SLC38A11: variants seen among roughly 807,000 people sequenced by gnomAD.
SLC38A11 encodes the protein solute carrier family 38 member 11.
A neutral mutation model predicts 49.4 loss-of-function variants in SLC38A11; 51 were observed. That is an observed-to-expected ratio of 1.03 (90% confidence interval 0.83 to 1.30). The LOEUF (loss-of-function observed/expected upper bound fraction) is 1.30. Among genes scored for constraint, SLC38A11 ranks in the 50% most tolerant of loss-of-function variants. The pLI is 0.00. For missense variants in SLC38A11, 574 were observed against 556.2 expected (o/e 1.03, Z -0.32); for synonymous variants, 203 against 192.9 (o/e 1.05, Z -0.43).
chr2:164,898,531 C>T lies in SLC38A11; in HGVS notation c.1295G>A (p.Cys432Tyr), dbSNP rs1246958150. The T allele has an allele frequency of 4.3e-6, 7 of 1,613,522 alleles. No individual in the cohort carries two copies. Among genetic ancestry groups the T allele is most frequent in the Non-Finnish European group, 5.9e-6 (7 of 1,179,674 alleles). The change falls in exon 12 of 12, where the codon TGC (cysteine) becomes TAC (tyrosine). Residue 432 changes from cysteine (C) to tyrosine (Y), a missense_variant. Cys to Tyr is a radical substitution (Grantham distance 194). Transcript: ENST00000685975. ...TGTGAGAGAGAAATTGTCAGGAAAG[C>T]AGTAGAACATTTCCTGCCCATGGGT... is the stretch of plus-strand genomic sequence containing the variant. ...DCTHGQEMFY[C>Y]FPDNFSLTNT... is the part of the protein sequence containing the mutation.
rs887595063 is a variant in SLC38A11, at chr2:164,898,384, A to T, written c.*53T>A. On this transcript the variant is annotated 3_prime_UTR_variant, in exon 12 of 12. Coordinates refer to ENST00000685975, the MANE Select transcript of SLC38A11 (RefSeq NM_001351537.2). ...TAAATACAGACTAAAGCAAGCGTAA[A>T]TGTTATGTGTTTTAAAGTCTATGAA... is the stretch of plus-strand genomic sequence containing the variant. The T allele has an allele frequency of 1.5e-6, 2 of 1,303,980 alleles. No homozygotes were observed. The highest frequency in any genetic ancestry group is 1.5e-5 in the African/African-American group (1 of 66,816). 80.8% of individuals were successfully genotyped at this position (1,303,980 alleles called of 1,614,324 possible).
At chr2:164,927,214 G>C (rs552187488) in intron 7 of SLC38A11, among the ~76,000 whole-genome samples, 2 of 152,224 alleles carry the variant, frequency 1.3e-5, no homozygotes, top group African/African-American at 4.8e-5. Flanking sequence ...GTCATCTTGG[G>C]AGCAGAAAGA....
intron 7 of SLC38A11, among the ~76,000 whole-genome samples, chr2:164,916,535 A>G (rs537503112): frequency 7.9e-5 from 12 of 152,242 alleles, no homozygotes; most frequent in African/African-American, 2.9e-4. Context: ...ACCATTTAAC[A>G]CATGAAGAAA....
chr2:164,922,619 C>T (rs144218814), intron 7 of SLC38A11, among the ~76,000 whole-genome samples: 3,079 of 152,238 alleles, frequency 0.02, 59 homozygotes, highest in Non-Finnish European at 0.026. Flanking sequence ...TCTTCGCTTG[C>T]GGATTGGAAG....
intron 11 of SLC38A11, among the ~76,000 whole-genome samples, chr2:164,901,475 C>A (rs1436776787): frequency 6.6e-6 from 1 of 151,946 alleles, no homozygotes; most frequent in East Asian, 1.9e-4. Context: ...ACAAATTTTT[C>A]ACCTCTTTGG....
At chr2:164,937,092 A>G (rs1687424175) in intron 7 of SLC38A11, among the ~76,000 whole-genome samples, 1 of 152,116 alleles carries the variant, frequency 6.6e-6, no homozygotes. Flanking sequence ...TCTTATTCTA[A>G]TTCTAATTCT....
At chr2:164,903,167 C>G (rs1684771250) in intron 11 of SLC38A11, among the ~76,000 whole-genome samples, 1 of 146,256 alleles carries the variant, frequency 6.8e-6, no homozygotes, top group Admixed American at 7.1e-5. Context: ...AAACAACAAA[C>G]AGTAATTCAA....
chr2:164,916,124 TA>T (rs1245696727), intron 7 of SLC38A11, 151 bp from the exon 8 acceptor site: 3 of 530,536 alleles, frequency 5.7e-6, no homozygotes, highest in Admixed American at 5.4e-5. Flanking sequence ...TAATCATGAA[TA>T]AATTTCCCAG....
chr2:164,945,760 A>C (rs983098085), intron 3 of SLC38A11, 33 bp from the exon 4 acceptor site: 1 of 1,579,254 alleles, frequency 6.3e-7, no homozygotes, highest in African/African-American at 1.4e-5. Flanking sequence ...ATGTCAGATT[A>C]CATGTAATAC....
rs373725678 is a variant in SLC38A11, at chr2:164,939,566, A to G, written c.431-10T>C. On this transcript the variant is annotated splice_polypyrimidine_tract_variant and intron_variant, in intron 5 of 11. Transcript: ENST00000685975. ...ACGTTTTCAGGATCAACTAAAACACAATAAATATTATTAAATGTTACAGGT... is the reference window on the plus strand; with the variant it reads ...ACGTTTTCAGGATCAACTAAAACACGATAAATATTATTAAATGTTACAGGT... 1.0e-5 allele frequency: 16 copies of G among 1,557,724 alleles called. No individual in the cohort carries two copies. The highest frequency in any genetic ancestry group is 1.4e-5 in the Non-Finnish European group (16 of 1,132,714).
chr2:164,952,705 AC>A lies in SLC38A11; in HGVS notation c.229+1del, dbSNP rs1222792538. On this transcript the variant is annotated splice_donor_variant, in intron 3 of 11. Transcript: ENST00000685975. LOFTEE classifies it high-confidence loss of function. ...GAAATAAGAAATTATATAGTATTTT[AC>A]CTGTAACATATGAAACCCAGAATAA... 7.5e-6 allele frequency: 12 copies of A among 1,598,720 alleles called. No individual in the cohort carries two copies. The highest frequency in any genetic ancestry group is 1.3e-5 in the African/African-American group (1 of 74,568).
intron 11 of SLC38A11, among the ~76,000 whole-genome samples, chr2:164,907,803 G>A: frequency 6.6e-6 from 1 of 152,100 alleles, no homozygotes; most frequent in East Asian, 1.9e-4. Flanking sequence ...ATAAAAAGCA[G>A]ATAGGACAAA....
At chr2:164,942,456 G>C (rs758658340) in intron 5 of SLC38A11, among the ~76,000 whole-genome samples, 2 of 146,136 alleles carry the variant, frequency 1.4e-5, no homozygotes, top group Non-Finnish European at 3.0e-5. Flanking sequence ...AACAAAAACA[G>C]AGAGAAAAGA....
chr2:164,902,033 CTT>C (rs60476941), intron 11 of SLC38A11, among the ~76,000 whole-genome samples: 24 of 133,230 alleles, frequency 1.8e-4, no homozygotes, highest in Admixed American at 3.1e-4. Flanking sequence ...TTTTCTCTCT[CTT>C]TTTTTTTTTT....
intron 9 of SLC38A11, among the ~76,000 whole-genome samples, chr2:164,913,254 G>A (rs1421504086): frequency 6.6e-6 from 1 of 151,908 alleles, no homozygotes; most frequent in Non-Finnish European, 1.5e-5. Context: ...TAAGGTGGCA[G>A]AAACCTGCTT....
intron 5 of SLC38A11, 31 bp from the exon 6 acceptor site, chr2:164,939,587 C>CTTATACCTGTAACATTTAAT: frequency 6.8e-7 from 1 of 1,467,558 alleles, no homozygotes; most frequent in Non-Finnish European, 9.5e-7. Flanking sequence ...TTAAATGTTA[C>CTTATACCTGTAACATTTAAT]AGGTATAAGT....
chr2:164,927,864 A>C (rs1183090249), intron 7 of SLC38A11, among the ~76,000 whole-genome samples: 1 of 152,142 alleles, frequency 6.6e-6, no homozygotes, highest in African/African-American at 2.4e-5. Context: ...CACAAACTAT[A>C]AGGATCTGAG....
chr2:164,940,831 T>G (rs1316072585), intron 5 of SLC38A11, among the ~76,000 whole-genome samples: 1 of 151,814 alleles, frequency 6.6e-6, no homozygotes, highest in Non-Finnish European at 1.5e-5. Flanking sequence ...ATGGAATAGT[T>G]GAAATCAGCC....
Position 164,915,101 on chromosome 2 carries a change from T to A in SLC38A11, c.850+11A>T. The A allele has an allele frequency of 6.2e-7, 1 of 1,600,114 alleles. No individual in the cohort carries two copies. The highest frequency in any genetic ancestry group is 1.7e-4 in the Middle Eastern group (1 of 5,956). The stretch of plus-strand genomic sequence containing the variant: ...TGCACATGAACACTATAACTGAATC[T>A]CTCATTTTACCTTGGGTGAAGCCAG... On this transcript the variant is annotated intron_variant, in intron 9 of 11. Coordinates refer to ENST00000685975, the MANE Select transcript of SLC38A11 (RefSeq NM_001351537.2).
Sources: allele counts gnomAD v4.1 joint callset (sites outside exome capture counted in the v4.1 genomes callset), GRCh38; gene constraint gnomAD v4.1.1; transcripts MANE v1.5; gene names NCBI Gene and HGNC (gene_info 2026-07-23, HGNC 2026-07-21).